DBH: variants seen among roughly 807,000 people sequenced by gnomAD.
The protein encoded by DBH is dopamine beta-hydroxylase, also known as dopamine beta-hydroxylase (dopamine beta-monooxygenase).
DBH carries 49 observed loss-of-function variants against 64.0 expected under a neutral mutation model. That is an observed-to-expected ratio of 0.77 (90% CI 0.61 to 0.97). The LOEUF is 0.97. DBH is among the 50% of genes least tolerant of loss of function. The pLI is 0.00. For synonymous variants in DBH, 343 were observed against 347.1 expected (o/e 0.99, Z 0.13); for missense variants, 828 against 826.6 (o/e 1.00, Z -0.02).
chr9:133,657,126 C>T lies in DBH; in HGVS notation c.1619C>T (p.Thr540Ile), dbSNP rs1054479854. 5.0e-6 allele frequency: 8 copies of T among 1,613,972 alleles called. No individual in the cohort carries two copies. The highest frequency in any genetic ancestry group is 2.2e-5 in the South Asian group (2 of 91,090). ...CPQASVSQQFTSVPWNSFNRD... is the reference protein window; with the variant it reads ...CPQASVSQQFISVPWNSFNRD... ...CAGGCGTCCGTGTCTCAGCAGTTCA[C>T]CTCTGTTCCCTGGAACTCCTTCAAC... Residue 540 changes from threonine (T) to isoleucine (I), a missense_variant, in exon 11 of 12, where the codon ACC becomes ATC. Physicochemically the swap from Thr to Ile is moderately conservative, Grantham distance 89. Coordinates refer to ENST00000393056, the MANE Select transcript of DBH (RefSeq NM_000787.4).
chr9:133,654,421 G>A (rs1832289314), intron 9 of DBH, among the ~76,000 whole-genome samples: 1 of 152,202 alleles, frequency 6.6e-6, no homozygotes, highest in African/African-American at 2.4e-5. Flanking sequence ...AAGGCTCAGA[G>A]AGGGCAGGCA....
At chr9:133,654,726 A>G (rs1832293265) in intron 9 of DBH, 1 of 152,362 alleles carries the variant, frequency 6.6e-6, no homozygotes, top group Non-Finnish European at 1.5e-5. Flanking sequence ...ACCTCTGAGC[A>G]ATCCCACCAG....
intron 2 of DBH, among the ~76,000 whole-genome samples, chr9:133,641,781 A>G (rs1242967517): frequency 6.6e-6 from 1 of 152,196 alleles, no homozygotes; most frequent in Non-Finnish European, 1.5e-5. Context: ...AGCAAGCCCC[A>G]GGGTGTTTCC....
At chr9:133,651,186 G>A (rs891339432) in intron 6 of DBH, among the ~76,000 whole-genome samples, 6 of 152,250 alleles carry the variant, frequency 3.9e-5, no homozygotes, top group South Asian at 4.1e-4. Flanking sequence ...GGCCCACCAC[G>A]TAGGGGACCT....
intron 6 of DBH, 29 bp downstream of exon 6, chr9:133,648,041 C>T (rs536226421): frequency 6.3e-7 from 1 of 1,596,418 alleles, no homozygotes; most frequent in Non-Finnish European, 8.5e-7. Flanking sequence ...GGCACTGCAC[C>T]CTCCCTCCTC....
At chr9:133,652,907 C>T (rs765572422) in intron 8 of DBH, 33 bp from the exon 9 acceptor site, 3 of 1,579,748 alleles carry the variant, frequency 1.9e-6, no homozygotes, top group Non-Finnish European at 2.6e-6. Context: ...CGCCAGGTGG[C>T]AGGTGCTGAT....
chr9:133,644,277 T>C lies in DBH; in HGVS notation c.981T>C (p.Tyr327=), dbSNP rs142042694. ...LAFGGPGSSR[Y]LRLEVHYHNP... is the part of the protein sequence containing the mutation. ...TCGGGGGTCCAGGGTCCTCCAGATA[T>C]CTCCGCCTGGAAGTTCACTACCACA... Residue 327 remains tyrosine, a synonymous_variant, in exon 5 of 12, where the codon TAT becomes TAC. Transcript: ENST00000393056. 4 of 1,614,002 alleles carry C rather than the reference T, an allele frequency of 2.5e-6. No homozygotes were observed. The African/African-American group carries it at 4.0e-5, about 16-fold the overall frequency.
chr9:133,655,344 C>T (rs1832303049), intron 9 of DBH: 1 of 152,252 alleles, frequency 6.6e-6, no homozygotes, highest in Non-Finnish European at 1.5e-5. Context: ...CAGGGTCGGA[C>T]TCAGTTCCCT....
At chr9:133,637,497 G>A (rs1330561892) in intron 1 of DBH, among the ~76,000 whole-genome samples, 1 of 152,230 alleles carries the variant, frequency 6.6e-6, no homozygotes, top group African/African-American at 2.4e-5. Context: ...CTTTGTGGAT[G>A]AAACCCAACT....
chr9:133,644,897 C>T (rs1468370492), intron 5 of DBH, among the ~76,000 whole-genome samples: 1 of 152,216 alleles, frequency 6.6e-6, no homozygotes, highest in Non-Finnish European at 1.5e-5. Context: ...TTCCCTCTCT[C>T]TGTTGCACCA....
intron 3 of DBH, among the ~76,000 whole-genome samples, chr9:133,642,999 T>A (rs906315006): frequency 2.6e-5 from 4 of 152,108 alleles, no homozygotes; most frequent in Non-Finnish European, 5.9e-5. Context: ...AAGGGGCATG[T>A]CCTTGAAGGT....
intron 8 of DBH, 103 bp from the exon 9 acceptor site, chr9:133,652,837 G>A (rs1397876615): frequency 2.1e-5 from 17 of 802,932 alleles, no homozygotes; most frequent in Non-Finnish European, 3.8e-5. Flanking sequence ...GTACCCCAGA[G>A]GTGCCGTGGC....
intron 1 of DBH, among the ~76,000 whole-genome samples, chr9:133,637,815 C>G (rs1168707935): frequency 6.6e-6 from 1 of 152,228 alleles, no homozygotes; most frequent in Non-Finnish European, 1.5e-5. Context: ...CTTAGGGCCA[C>G]CCAGGTAGGG....
intron 3 of DBH, 100 bp downstream of exon 3, chr9:133,642,564 A>T: frequency 6.9e-7 from 1 of 1,445,870 alleles, no homozygotes; most frequent in Non-Finnish European, 9.4e-7. Flanking sequence ...TCCTGGTTGG[A>T]CCAGGTGTCC....
At chr9:133,641,034 G>C (rs552110132) in intron 2 of DBH, among the ~76,000 whole-genome samples, 2 of 152,216 alleles carry the variant, frequency 1.3e-5, no homozygotes, top group Admixed American at 6.5e-5. Flanking sequence ...AGGTGGAGGA[G>C]GTGGCTAAGG....
At chr9:133,648,039 A>G in intron 6 of DBH, 27 bp downstream of exon 6, 1 of 1,599,974 alleles carries the variant, frequency 6.3e-7, no homozygotes, top group Non-Finnish European at 8.5e-7. Flanking sequence ...CCGGCACTGC[A>G]CCCTCCCTCC....
chr9:133,655,808 C>T (rs1277263201), intron 9 of DBH: 3 of 153,420 alleles, frequency 2.0e-5, no homozygotes, highest in African/African-American at 4.8e-5. Flanking sequence ...CCAGCTCCTC[C>T]AAGCTGCTGC....
chr9:133,657,022 C>T, intron 10 of DBH, 48 bp from the exon 11 acceptor site: 3 of 1,609,998 alleles, frequency 1.9e-6, no homozygotes, highest in African/African-American at 2.7e-5. Context: ...CACTGGGCTC[C>T]CTGCCCGTCA....
intron 6 of DBH, 75 bp downstream of exon 6, chr9:133,648,087 C>G (rs927507889): frequency 6.6e-7 from 1 of 1,511,444 alleles, no homozygotes; most frequent in Non-Finnish European, 8.9e-7. Context: ...AGGTCGTGGC[C>G]CACGAAGGGT....
Sources: gnomAD v4.1 joint callset for allele counts (sites outside exome capture counted in the v4.1 genomes callset) on GRCh38, gnomAD v4.1.1 for gene constraint, MANE v1.5 for transcripts, NCBI Gene and HGNC (gene_info 2026-07-23, HGNC 2026-07-21) for gene names.